KANK1: variants seen among roughly 807,000 people sequenced by gnomAD.
KANK1 encodes the protein KN motif and ankyrin repeat domain-containing protein 1.
Under a neutral mutation model 106.2 loss-of-function variants are expected in KANK1, and 109 were observed. That is an observed-to-expected ratio of 1.03 (90% CI 0.88 to 1.20). The LOEUF is 1.20. Among genes scored for constraint, KANK1 ranks in the 50% most tolerant of loss-of-function variants. The pLI is 0.00. For synonymous variants in KANK1, 873 were observed against 652.2 expected, an observed-to-expected ratio of 1.34 and a Z score of -5.16; for missense variants, 2,399 against 1,710.7, an observed-to-expected ratio of 1.40 and a Z score of -7.10.
intron 8 of KANK1, among the ~76,000 whole-genome samples, chr9:739,269 T>C (rs1455442460): frequency 2.6e-5 from 4 of 152,170 alleles, no homozygotes; most frequent in African/African-American, 9.7e-5. Context: ...ATATTTTTAT[T>C]TCTAGTATGT....
intron 2 of KANK1, among the ~76,000 whole-genome samples, chr9:677,847 G>C (rs1484806045): frequency 6.6e-6 from 1 of 152,158 alleles, no homozygotes; most frequent in African/African-American, 2.4e-5. Flanking sequence ...CAGGAAACCT[G>C]AATTTGAGTC....
At chr9:571,461 A>G (rs532159061) in intron 1 of KANK1, among the ~76,000 whole-genome samples, 1 of 152,130 alleles carries the variant, frequency 6.6e-6, no homozygotes, top group Non-Finnish European at 1.5e-5. Flanking sequence ...TCAGGAATGT[A>G]TTGCTTGTTA....
At chr9:727,216 G>A (rs1369558769) in intron 3 of KANK1, among the ~76,000 whole-genome samples, 1 of 151,860 alleles carries the variant, frequency 6.6e-6, no homozygotes, top group Non-Finnish European at 1.5e-5. Flanking sequence ...TACATCCTTA[G>A]GATAAAACTT....
intron 2 of KANK1, among the ~76,000 whole-genome samples, chr9:684,769 A>G (rs1180392311): frequency 6.6e-6 from 1 of 152,154 alleles, no homozygotes; most frequent in Non-Finnish European, 1.5e-5. Flanking sequence ...CTTAGAGGAA[A>G]ATGATCGTGA....
chr9:580,741 G>A (rs1227431007), intron 1 of KANK1, among the ~76,000 whole-genome samples: 2 of 152,270 alleles, frequency 1.3e-5, no homozygotes, highest in African/African-American at 4.8e-5. Flanking sequence ...CGCAGGCGGA[G>A]CTGCCTGCCA....
chr9:572,398 A>G (rs73373075), intron 1 of KANK1, among the ~76,000 whole-genome samples: 8,875 of 151,994 alleles, frequency 0.058, 854 homozygotes, highest in African/African-American at 0.2. Flanking sequence ...AAAAATAGAA[A>G]AAAATTAGCT....
intron 11 of KANK1, 190 bp from the exon 12 acceptor site, chr9:744,983 G>C (rs1780793379): frequency 1.3e-6 from 2 of 1,490,142 alleles, no homozygotes; most frequent in African/African-American, 2.8e-5. Context: ...AGGACAGCCG[G>C]ACATAGCACT....
chr9:732,700 G>C (rs1048077781), intron 6 of KANK1, 83 bp downstream of exon 6: 1 of 1,471,302 alleles, frequency 6.8e-7, no homozygotes. Context: ...CAGAGCTTTT[G>C]TAATTAAATG....
At position 504,773 on chromosome 9, in the gene KANK1, C is replaced by T. The variant is rs2058653749; in HGVS notation, c.-84+19C>T. The T allele has an allele frequency of 6.8e-6, 1 of 148,044 alleles. No individual in the cohort carries two copies. Among genetic ancestry groups the T allele is most frequent in the Non-Finnish European group, 1.5e-5 (1 of 67,022 alleles). 9.2% of individuals were successfully genotyped at this position (148,044 alleles called of 1,614,324 possible). A position where few individuals can be genotyped will look rare whatever the true frequency, so the allele number is the denominator to read the frequency against. ...GCCGAAGGTGAGTGACGCGGCGGGG[C>T]CGTGCCGCGCCCCGTGCCGCGGCGA... On this transcript the variant is annotated intron_variant, in intron 1 of 11. Transcript: ENST00000382297.
rs781112699 is a variant in KANK1, at chr9:732,365, A to G, written c.3006-13A>G. Reference sequence around the variant, plus strand: ...CACACCTTGCATCTCCTGAAATCCCAATTGCCACCTAGGTATGAAACAACT... The same window carrying G: ...CACACCTTGCATCTCCTGAAATCCCGATTGCCACCTAGGTATGAAACAACT... On this transcript the variant is annotated splice_polypyrimidine_tract_variant and intron_variant, in intron 5 of 11. Coordinates refer to ENST00000382297, the MANE Select transcript of KANK1 (RefSeq NM_015158.5). The G allele has an allele frequency of 3.7e-6, 6 of 1,602,272 alleles. No homozygotes were observed. In the Admixed American group the frequency reaches 5.0e-5, roughly 13 times the overall value.
At chr9:629,155 G>C (rs1835073768) in intron 1 of KANK1, among the ~76,000 whole-genome samples, 1 of 152,010 alleles carries the variant, frequency 6.6e-6, no homozygotes, top group East Asian at 1.9e-4. Context: ...TTTGTGATCA[G>C]TGAGATCTCA....
chr9:687,798 T>A (rs1270093348), intron 2 of KANK1, among the ~76,000 whole-genome samples: 2 of 152,240 alleles, frequency 1.3e-5, no homozygotes, highest in Non-Finnish European at 2.9e-5. Flanking sequence ...TATTCTATTA[T>A]TATTTCTATT....
chr9:743,534 CCTGCTG>C (rs1016006769), intron 10 of KANK1, among the ~76,000 whole-genome samples: 1 of 152,058 alleles, frequency 6.6e-6, no homozygotes, highest in Admixed American at 6.6e-5. Context: ...AGAACTGTGT[CCTGCTG>C]CTGCTGCTGA....
chr9:476,115 G>T (rs2058098085), intron 3 of KANK1, among the ~76,000 whole-genome samples: 1 of 149,540 alleles, frequency 6.7e-6, no homozygotes, highest in African/African-American at 2.5e-5. Flanking sequence ...CAGCACTCCA[G>T]CCTGGGCAAC....
At chr9:677,201 G>T (rs1168932525) in intron 2 of KANK1, among the ~76,000 whole-genome samples, 192 bp downstream of exon 2, 1 of 152,174 alleles carries the variant, frequency 6.6e-6, no homozygotes, top group African/African-American at 2.4e-5. Context: ...TTAGAGTCTT[G>T]CACTGAAATC....
In KANK1 at chr9:742,371, C is replaced by G. The variant is rs772977113; in HGVS notation, c.3863C>G (p.Ala1288Gly). Residue 1288 changes from alanine (A) to glycine (G), a missense_variant, in exon 10 of 12, where the codon GCC (alanine) becomes GGC (glycine). Transcript: ENST00000382297. ...GHVEIVKLLL[A>G]QPGCNGHLED... ...GTGGAGATTGTCAAGCTGCTGCTGG[C>G]CCAGCCCGGCTGCAACGGTCACCTA... The G allele has an allele frequency of 1.9e-5, 30 of 1,613,730 alleles. No individual in the cohort carries two copies. The highest frequency in any genetic ancestry group is 2.5e-5 in the Non-Finnish European group (29 of 1,179,862).
chr9:568,821 T>A (rs767157798), intron 1 of KANK1, among the ~76,000 whole-genome samples: 46 of 152,298 alleles, frequency 3.0e-4, no homozygotes, highest in Non-Finnish European at 5.3e-4. Context: ...TTAGTATGTG[T>A]ATGATTAGAA....
intron 3 of KANK1, chr9:476,728 C>T (rs1374101848): frequency 6.6e-6 from 1 of 152,150 alleles, no homozygotes; most frequent in Non-Finnish European, 1.5e-5. Context: ...ATTTATCTTC[C>T]TGATCATCAG....
chr9:712,327 C>A lies in KANK1; in HGVS notation c.1561C>A (p.Gln521Lys). ...CAGTAAGGTGGTGGAGGCAGTGGTG[C>A]AGACCAGAGACCAAATGGTCGGCAG... The part of the protein sequence containing the change: ...VFSKVVEAVV[Q>K]TRDQMVGSHM... The change falls in exon 3 of 12, where the codon CAG (glutamine) becomes AAG (lysine). Residue 521 changes from glutamine (Q) to lysine (K), a missense_variant. By Grantham distance (53) the Gln-to-Lys change is moderately conservative. Coordinates refer to ENST00000382297, the MANE Select transcript of KANK1 (RefSeq NM_015158.5). 1 of 1,614,210 alleles carries A rather than the reference C, an allele frequency of 6.2e-7. No individual in the cohort carries two copies. Among genetic ancestry groups the A allele is most frequent in the Non-Finnish European group, 8.5e-7 (1 of 1,180,052 alleles).
Sources: gnomAD v4.1 joint callset for allele counts (sites outside exome capture counted in the v4.1 genomes callset) on GRCh38, gnomAD v4.1.1 for gene constraint, MANE v1.5 for transcripts, NCBI Gene and HGNC (gene_info 2026-07-23, HGNC 2026-07-21) for gene names.